ARK2N: variants seen among roughly 807,000 people sequenced by gnomAD.
The protein encoded by ARK2N is protein ARK2N.
At chr18:46,219,356 G>A in the ARK2N span, 1 of 152,070 alleles carries the variant, frequency 6.6e-6, no homozygotes, top group Non-Finnish European at 1.5e-5. Flanking sequence ...TCATTTGGCA[G>A]ACTTAGAGTT....
the ARK2N span, among the ~76,000 whole-genome samples, chr18:46,239,122 A>G: frequency 6.6e-6 from 1 of 152,220 alleles, no homozygotes; most frequent in African/African-American, 2.4e-5. Flanking sequence ...AGCATTTTAA[A>G]GCATGTATCT....
chr18:46,241,423 A>G, the ARK2N span, among the ~76,000 whole-genome samples: 1 of 152,184 alleles, frequency 6.6e-6, no homozygotes, highest in Non-Finnish European at 1.5e-5. Context: ...AAATACTTTG[A>G]AAAGAAGTAA....
chr18:46,257,744 A>G, the ARK2N span, among the ~76,000 whole-genome samples: 3 of 152,116 alleles, frequency 2.0e-5, no homozygotes, highest in Admixed American at 2.0e-4. Flanking sequence ...AGAGGAATAC[A>G]TATAGCACAG....
the ARK2N span, among the ~76,000 whole-genome samples, chr18:46,185,941 C>T: frequency 2.6e-5 from 4 of 151,938 alleles, no homozygotes; most frequent in Non-Finnish European, 4.4e-5. Context: ...GAGCTGAGAT[C>T]GTGCCACTGC....
At chr18:46,196,728 G>A in the ARK2N span, among the ~76,000 whole-genome samples, 11 of 152,206 alleles carry the variant, frequency 7.2e-5, no homozygotes. Context: ...TAACTAGTTG[G>A]TCAATTATGA....
At chr18:46,190,267 C>G in the ARK2N span, among the ~76,000 whole-genome samples, 2 of 152,092 alleles carry the variant, frequency 1.3e-5, no homozygotes, top group Non-Finnish European at 2.9e-5. Flanking sequence ...CGCCTGTAAT[C>G]CCAGCACTTT....
At chr18:46,216,550 G>A in the ARK2N span, 1 of 1,614,090 alleles carries the variant, frequency 6.2e-7, no homozygotes, top group East Asian at 2.2e-5. This position sits in a 1 kb window ranked among gnomAD's most constrained non-coding sequence, Gnocchi z 4.3. Context: ...AGATGATGAT[G>A]AAGAGGTTTC....
the ARK2N span, among the ~76,000 whole-genome samples, chr18:46,223,286 G>A: frequency 6.6e-6 from 1 of 152,142 alleles, no homozygotes; most frequent in South Asian, 2.1e-4. Context: ...TCCTTCTTGA[G>A]GGAGTTTTCG....
chr18:46,241,736 A>T, the ARK2N span, among the ~76,000 whole-genome samples: 1 of 152,156 alleles, frequency 6.6e-6, no homozygotes, highest in Non-Finnish European at 1.5e-5. Flanking sequence ...CCAAAAAAGA[A>T]AAAAGAAGTA....
At chr18:46,242,573 C>CCTTTGCCCTTCT in the ARK2N span, among the ~76,000 whole-genome samples, 1 of 152,044 alleles carries the variant, frequency 6.6e-6, no homozygotes, top group East Asian at 1.9e-4. Context: ...GTTTTCCTTC[C>CCTTTGCCCTTCT]CTTTGCCCTT....
At chr18:46,195,830 C>T in the ARK2N span, among the ~76,000 whole-genome samples, 1 of 152,028 alleles carries the variant, frequency 6.6e-6, no homozygotes, top group Admixed American at 6.6e-5. Context: ...CCTGCTTCAG[C>T]CTCTTAAAAT....
chr18:46,195,193 T>C, the ARK2N span, among the ~76,000 whole-genome samples: 4 of 151,878 alleles, frequency 2.6e-5, no homozygotes, highest in Non-Finnish European at 4.4e-5. Context: ...TCAATAATTA[T>C]CCACATTTTG....
chr18:46,225,085 G>C, the ARK2N span, among the ~76,000 whole-genome samples: 1 of 152,172 alleles, frequency 6.6e-6, no homozygotes, highest in Non-Finnish European at 1.5e-5. Context: ...GAAGTTCCAC[G>C]TGTGGATGGA....
the ARK2N span, among the ~76,000 whole-genome samples, chr18:46,235,785 CTTCTGATTGTCAA>C: frequency 6.6e-6 from 1 of 152,164 alleles, no homozygotes; most frequent in Non-Finnish European, 1.5e-5. Context: ...AAATCTTGTG[CTTCTGATTGTCAA>C]ACCTGGAAAG....
At chr18:46,231,282 A>T in the ARK2N span, among the ~76,000 whole-genome samples, 4 of 152,182 alleles carry the variant, frequency 2.6e-5, no homozygotes, top group African/African-American at 9.7e-5. Flanking sequence ...ATTTTTACTA[A>T]GAGAAATTAG....
At chr18:46,236,614 C>T in the ARK2N span, among the ~76,000 whole-genome samples, 2 of 152,170 alleles carry the variant, frequency 1.3e-5, no homozygotes, top group Non-Finnish European at 2.9e-5. Context: ...ATGGAATGTG[C>T]CTCTGTTAAT....
chr18:46,220,139 C>A, the ARK2N span, among the ~76,000 whole-genome samples: 1 of 152,146 alleles, frequency 6.6e-6, no homozygotes, highest in Admixed American at 6.6e-5. Context: ...CTTATTCACA[C>A]CGAAGTTCCA....
the ARK2N span, among the ~76,000 whole-genome samples, chr18:46,251,616 C>T: frequency 9.2e-5 from 14 of 152,160 alleles, no homozygotes; most frequent in Non-Finnish European, 1.9e-4. Flanking sequence ...AAAAGACCCA[C>T]AATCATATTC....
chr18:46,225,593 G>C, the ARK2N span, among the ~76,000 whole-genome samples: 7 of 152,012 alleles, frequency 4.6e-5, no homozygotes, highest in African/African-American at 1.2e-4. Context: ...CGAGTATCTG[G>C]GATTCCAGGA....
Sources: allele counts gnomAD v4.1 joint callset (sites outside exome capture counted in the v4.1 genomes callset), GRCh38; gene constraint gnomAD v4.1.1; non-coding constraint Gnocchi (gnomAD v3.1); transcripts MANE v1.5; gene names NCBI Gene and HGNC (gene_info 2026-07-23, HGNC 2026-07-21).